The following CNTN5 variants were observed in gnomAD, a reference collection of about 807,000 sequenced individuals.
The protein encoded by CNTN5 is contactin-5.
In CNTN5, 77 loss-of-function variants were observed where a neutral mutation model predicts 129.1. The observed-to-expected ratio is 0.60, with a 90% confidence interval of 0.50 to 0.72. CNTN5 has a LOEUF of 0.72. CNTN5 is among the 30% of genes least tolerant of loss of function. The probability of loss-of-function intolerance (pLI) is 0.00; values close to 1 mark genes in which losing one functional copy is unlikely to be tolerated. For missense variants in CNTN5, 1,478 were observed against 1,328.8 expected (o/e 1.11, Z -1.75); for synonymous variants, 509 against 465.6 (o/e 1.09, Z -1.20).
In CNTN5 at chr11:99,790,439, A is replaced by T. The variant is rs189499701; in HGVS notation, c.56-29105A>T. 5.9e-5 allele frequency among the ~76,000 whole-genome samples: 9 copies of T among 151,316 alleles called. No individual in the cohort carries two copies. In the East Asian group the frequency reaches 1.6e-3, roughly 27 times the overall value. ...CATGCTGTATTTGGTTTTCTGTTCC[A>T]GCATTAGTTGGCTTAGGATAATGGC... On this transcript the variant is annotated intron_variant, in intron 3 of 24. Coordinates refer to ENST00000524871, the MANE Select transcript of CNTN5 (RefSeq NM_014361.4).
chr11:99,984,827 G>A (rs1376748560), intron 8 of CNTN5, among the ~76,000 whole-genome samples: 1 of 152,160 alleles, frequency 6.6e-6, no homozygotes, highest in East Asian at 1.9e-4. Context: ...CTAGAACATT[G>A]GAGCTGATGC....
intron 3 of CNTN5, among the ~76,000 whole-genome samples, chr11:99,626,969 G>T (rs966756117): frequency 1.3e-5 from 2 of 152,098 alleles, no homozygotes; most frequent in Non-Finnish European, 2.9e-5. Context: ...TCCTTAGTCA[G>T]CTCAGCCTCA....
intron 9 of CNTN5, among the ~76,000 whole-genome samples, chr11:100,045,621 A>G (rs991183598): frequency 6.6e-5 from 10 of 152,132 alleles, no homozygotes; most frequent in African/African-American, 2.2e-4. Flanking sequence ...AAGGCTGACA[A>G]AAAGAAGTCA....
At chr11:99,936,176 T>A (rs906292607) in intron 7 of CNTN5, among the ~76,000 whole-genome samples, 2 of 152,208 alleles carry the variant, frequency 1.3e-5, no homozygotes, top group Non-Finnish European at 2.9e-5. Context: ...TGAAAACATT[T>A]GCAGGGGTTA....
chr11:99,513,568 C>T (rs1292493869), intron 2 of CNTN5, among the ~76,000 whole-genome samples: 1 of 152,076 alleles, frequency 6.6e-6, no homozygotes, highest in Non-Finnish European at 1.5e-5. Context: ...TAAGTTGAAG[C>T]CAATGCTCAT....
At chr11:99,196,233 A>G (rs1451314444) in intron 1 of CNTN5, among the ~76,000 whole-genome samples, 3 of 151,936 alleles carry the variant, frequency 2.0e-5, no homozygotes. Context: ...CAAATAAAGA[A>G]ATATATATGA....
chr11:99,027,312 A>G lies in CNTN5; in HGVS notation c.-210+6042A>G, dbSNP rs559346111. Among the ~76,000 whole-genome samples, 8 of 151,628 alleles carry G rather than the reference A, an allele frequency of 5.3e-5. No individual in the cohort carries two copies. In the East Asian group the frequency reaches 1.5e-3, roughly 29 times the overall value. On this transcript the variant is annotated intron_variant, in intron 1 of 24. Coordinates refer to ENST00000524871, the MANE Select transcript of CNTN5 (RefSeq NM_014361.4). ...AATGGAAGCCCTAAATCAAACAGAA[A>G]CTCAGCAAGAAATGTAGATGAGAGT...
In CNTN5 at chr11:99,970,760, A is replaced by G. The variant is rs568759009; in HGVS notation, c.877+13751A>G. Among the ~76,000 whole-genome samples the G allele has an allele frequency of 8.5e-5, 13 of 152,226 alleles. 1 individual carries two copies. Among genetic ancestry groups the G allele is most frequent in the African/African-American group, 3.1e-4 (13 of 41,524 alleles). Reference sequence around the variant, plus strand: ...GTTTTTGTCATTGCTGTTGTTGTTTATTGTAAAAACGTAAACTCCCCTGTC... The same window carrying G: ...GTTTTTGTCATTGCTGTTGTTGTTTGTTGTAAAAACGTAAACTCCCCTGTC... On this transcript the variant is annotated intron_variant, in intron 8 of 24. Transcript: ENST00000524871.
intron 1 of CNTN5, among the ~76,000 whole-genome samples, chr11:99,268,492 T>G (rs1863014257): frequency 6.6e-6 from 1 of 151,768 alleles, no homozygotes; most frequent in Non-Finnish European, 1.5e-5. Flanking sequence ...GAAAAAATAC[T>G]GCAAAAAGGT....
chr11:99,768,024 C>T (rs1944814665), intron 3 of CNTN5, among the ~76,000 whole-genome samples: 1 of 151,970 alleles, frequency 6.6e-6, no homozygotes, highest in Non-Finnish European at 1.5e-5. Flanking sequence ...AAATCTATGC[C>T]CATTTATTTA....
chr11:99,954,663 T>C (rs1197134522), intron 7 of CNTN5, among the ~76,000 whole-genome samples: 1 of 152,174 alleles, frequency 6.6e-6, no homozygotes, highest in African/African-American at 2.4e-5. Flanking sequence ...ATTAAATAAA[T>C]GTGAATAGAT....
At chr11:99,822,021 C>T (rs1351342894) in intron 4 of CNTN5, among the ~76,000 whole-genome samples, 8 of 152,126 alleles carry the variant, frequency 5.3e-5, no homozygotes, top group Non-Finnish European at 1.0e-4. Flanking sequence ...TTCTTTTTCT[C>T]TGACAAGAGT....
intron 2 of CNTN5, among the ~76,000 whole-genome samples, chr11:99,401,129 G>A (rs568864695): frequency 6.6e-6 from 1 of 151,950 alleles, no homozygotes; most frequent in Non-Finnish European, 1.5e-5. Flanking sequence ...CTGTGTTTTG[G>A]GGGTATTACT....
At chr11:99,035,598 C>T (rs1043866302) in intron 1 of CNTN5, among the ~76,000 whole-genome samples, 2 of 145,004 alleles carry the variant, frequency 1.4e-5, no homozygotes, top group Non-Finnish European at 3.0e-5. Context: ...GCAACCCCTG[C>T]CTTTTTTTGT....
intron 6 of CNTN5, among the ~76,000 whole-genome samples, chr11:99,854,965 G>A (rs1947988480): frequency 6.6e-6 from 1 of 152,128 alleles, no homozygotes; most frequent in South Asian, 2.1e-4. Flanking sequence ...TACAAATGAT[G>A]TTCAAAGTTT....
chr11:99,973,878 A>G (rs1937748708), intron 8 of CNTN5, among the ~76,000 whole-genome samples: 1 of 152,238 alleles, frequency 6.6e-6, no homozygotes. Context: ...CCATAAAATA[A>G]CAAGACATTT....
chr11:99,470,661 C>T (rs1015048663), intron 2 of CNTN5, among the ~76,000 whole-genome samples: 2 of 151,880 alleles, frequency 1.3e-5, no homozygotes, highest in African/African-American at 4.8e-5. Context: ...AACTTTTTTG[C>T]CCCAAAGAGG....
At chr11:99,861,110 C>A (rs777663194) in intron 6 of CNTN5, among the ~76,000 whole-genome samples, 1 of 152,006 alleles carries the variant, frequency 6.6e-6, no homozygotes, top group Non-Finnish European at 1.5e-5. Context: ...CGCCAACCAC[C>A]AAGCCTGGCT....
At chr11:99,741,280 G>T (rs934851060) in intron 3 of CNTN5, among the ~76,000 whole-genome samples, 1 of 152,200 alleles carries the variant, frequency 6.6e-6, no homozygotes, top group East Asian at 1.9e-4. Flanking sequence ...AACATTGAAT[G>T]GTAATGTTTC....
Sources: gnomAD v4.1 joint callset for allele counts (sites outside exome capture counted in the v4.1 genomes callset) on GRCh38, gnomAD v4.1.1 for gene constraint, MANE v1.5 for transcripts, NCBI Gene and HGNC (gene_info 2026-07-23, HGNC 2026-07-21) for gene names.